The following NCKAP5 variants were observed in gnomAD, a reference collection of about 807,000 sequenced individuals.
NCKAP5 encodes nck-associated protein 5.
NCKAP5 carries 92 observed loss-of-function variants against 167.0 expected under a neutral mutation model. That is an observed-to-expected ratio of 0.55 (90% CI 0.47 to 0.66). The LOEUF (loss-of-function observed/expected upper bound fraction) is 0.66, where lower values mean the gene tolerates loss of function less well. Ranked by LOEUF, NCKAP5 falls within the 30% of genes least tolerant of loss-of-function variation. The pLI, the probability that NCKAP5 is intolerant of heterozygous loss-of-function variation, is 0.00. For missense variants in NCKAP5, 2,378 were observed against 2,315.0 expected, an observed-to-expected ratio of 1.03 and a Z score of -0.56; for synonymous variants, 891 against 877.4, an observed-to-expected ratio of 1.02 and a Z score of -0.27.
At chr2:133,034,226 G>A (rs189903103) in intron 6 of NCKAP5, among the ~76,000 whole-genome samples, 13 of 152,198 alleles carry the variant, frequency 8.5e-5, no homozygotes, top group Admixed American at 8.5e-4. Context: ...TTAAAGTGCT[G>A]AAGGAAAAAC....
At chr2:133,422,556 T>C (rs1689549195) in intron 3 of NCKAP5, among the ~76,000 whole-genome samples, 1 of 152,158 alleles carries the variant, frequency 6.6e-6, no homozygotes, top group Admixed American at 6.5e-5. Flanking sequence ...AGAATTCAGG[T>C]CACAGAGTAA....
intron 3 of NCKAP5, among the ~76,000 whole-genome samples, chr2:133,309,475 T>C (rs1028836980): frequency 1.3e-5 from 2 of 152,102 alleles, no homozygotes; most frequent in African/African-American, 4.8e-5. Context: ...TTAAGGGGGC[T>C]GAAGGTGGGG....
chr2:133,257,388 GC>G (rs2088668789), intron 4 of NCKAP5, among the ~76,000 whole-genome samples: 1 of 152,166 alleles, frequency 6.6e-6, no homozygotes, highest in Non-Finnish European at 1.5e-5. Context: ...ATCATAACAG[GC>G]GTAAGAATGG....
intron 8 of NCKAP5, among the ~76,000 whole-genome samples, chr2:132,909,693 T>G (rs1558929980): frequency 6.6e-6 from 1 of 152,216 alleles, no homozygotes; most frequent in Non-Finnish European, 1.5e-5. Flanking sequence ...TACTCCATCC[T>G]TCCCAATGTG....
At chr2:133,012,547 T>A (rs2078197254) in intron 6 of NCKAP5, among the ~76,000 whole-genome samples, 1 of 152,078 alleles carries the variant, frequency 6.6e-6, no homozygotes, top group Non-Finnish European at 1.5e-5. Flanking sequence ...TGGTTTCTTA[T>A]CATCAATGGG....
At chr2:133,428,648 C>T (rs948902583) in intron 3 of NCKAP5, among the ~76,000 whole-genome samples, 4 of 152,082 alleles carry the variant, frequency 2.6e-5, no homozygotes, top group African/African-American at 9.7e-5. Flanking sequence ...CACGTGTTTA[C>T]ACAAAGATAC....
the NCKAP5 span, among the ~76,000 whole-genome samples, chr2:133,660,478 G>A: frequency 2.0e-5 from 3 of 152,036 alleles, no homozygotes; most frequent in Non-Finnish European, 4.4e-5. Context: ...CTATCTCGGG[G>A]TGATGGGATT....
intron 15 of NCKAP5, among the ~76,000 whole-genome samples, chr2:132,774,784 G>A (rs986931768): frequency 5.9e-5 from 9 of 152,174 alleles, no homozygotes; most frequent in South Asian, 2.1e-4. Context: ...CTGTTTGCAC[G>A]TAAGATCTCA....
the NCKAP5 span, among the ~76,000 whole-genome samples, chr2:133,576,822 G>A: frequency 6.6e-6 from 1 of 152,154 alleles, no homozygotes; most frequent in Non-Finnish European, 1.5e-5. Flanking sequence ...GTTCATCAAT[G>A]GAAATGTAAT....
At chr2:133,109,364 A>C (rs989871401) in intron 6 of NCKAP5, among the ~76,000 whole-genome samples, 4 of 152,242 alleles carry the variant, frequency 2.6e-5, no homozygotes, top group Non-Finnish European at 5.9e-5. Flanking sequence ...TTAGTATAAT[A>C]AATCAAGGAA....
chr2:133,204,028 C>T (rs1465832227), intron 5 of NCKAP5, among the ~76,000 whole-genome samples: 3 of 152,166 alleles, frequency 2.0e-5, no homozygotes, highest in Admixed American at 6.5e-5. Flanking sequence ...ACAATATCTA[C>T]TCTCTATCTT....
At chr2:133,584,989 G>T in the NCKAP5 span, among the ~76,000 whole-genome samples, 1 of 143,132 alleles carries the variant, frequency 7.0e-6, no homozygotes, top group Non-Finnish European at 1.5e-5. Flanking sequence ...AAGGAAGGAA[G>T]GAAGGAGGGA....
chr2:133,051,602 G>A (rs1393833187), intron 6 of NCKAP5, among the ~76,000 whole-genome samples: 1 of 152,134 alleles, frequency 6.6e-6, no homozygotes, highest in Non-Finnish European at 1.5e-5. Context: ...TTTTCATGCT[G>A]AGCACCTCAA....
intron 11 of NCKAP5, among the ~76,000 whole-genome samples, chr2:132,841,402 A>C (rs111692368): frequency 6.6e-6 from 1 of 152,264 alleles, no homozygotes; most frequent in East Asian, 1.9e-4. Context: ...TGAGTTAACC[A>C]TATTTAAACT....
chr2:132,924,164 G>A (rs1452069041), intron 8 of NCKAP5, among the ~76,000 whole-genome samples: 2 of 152,142 alleles, frequency 1.3e-5, no homozygotes, highest in East Asian at 3.9e-4. Context: ...TCCTGAAAAT[G>A]CTATGCTACA....
chr2:133,349,505 G>A (rs1383830535), intron 3 of NCKAP5, among the ~76,000 whole-genome samples: 1 of 152,190 alleles, frequency 6.6e-6, no homozygotes, highest in African/African-American at 2.4e-5. Flanking sequence ...TGACAAAGCG[G>A]AGAAATGAAT....
intron 4 of NCKAP5, among the ~76,000 whole-genome samples, chr2:133,280,506 G>A (rs950087172): frequency 1.3e-5 from 2 of 151,894 alleles, no homozygotes; most frequent in Non-Finnish European, 1.5e-5. Context: ...TCCCAGGCTC[G>A]AGCCATCCTC....
At chr2:133,298,677 T>C (rs1398953108) in intron 4 of NCKAP5, among the ~76,000 whole-genome samples, 3 of 152,198 alleles carry the variant, frequency 2.0e-5, no homozygotes, top group Non-Finnish European at 1.5e-5. Context: ...TCAGATGGCA[T>C]TCATTATTTT....
chr2:133,460,204 T>C (rs1692117085), intron 3 of NCKAP5, among the ~76,000 whole-genome samples: 2 of 152,142 alleles, frequency 1.3e-5, no homozygotes, highest in Non-Finnish European at 2.9e-5. Flanking sequence ...CCACCCTATA[T>C]GGTTATATAC....
Sources: gnomAD v4.1 joint callset for allele counts (sites outside exome capture counted in the v4.1 genomes callset) on GRCh38, gnomAD v4.1.1 for gene constraint, MANE v1.5 for transcripts, NCBI Gene and HGNC (gene_info 2026-07-23, HGNC 2026-07-21) for gene names.